The following PRKDC variants were observed in gnomAD, a reference collection of about 807,000 sequenced individuals.
The protein encoded by PRKDC is protein kinase, DNA-activated, catalytic subunit.
Under a neutral mutation model 486.9 loss-of-function variants are expected in PRKDC, and 82 were observed. The observed-to-expected ratio is 0.17, with a 90% confidence interval of 0.14 to 0.20. The LOEUF is 0.20. Among genes scored for constraint, PRKDC ranks in the 10% least tolerant of loss-of-function variants. PRKDC has a pLI of 1.00. For synonymous variants in PRKDC, 1,895 were observed against 1,837.0 expected (o/e 1.03, Z -0.81); for missense variants, 4,504 against 5,038.2 (o/e 0.89, Z 3.21).
intron 5 of PRKDC, 148 bp from the exon 6 acceptor site, chr8:47,954,067 A>C (rs2090666053): frequency 5.7e-6 from 3 of 523,336 alleles, no homozygotes; most frequent in Non-Finnish European, 9.9e-6. Flanking sequence ...TTAGGACTGC[A>C]TTCTTTCCTA....
chr8:47,893,175 T>C lies in PRKDC; in HGVS notation c.3811A>G (p.Ile1271Val). 2 of 1,612,552 alleles carry C rather than the reference T, an allele frequency of 1.2e-6. No individual in the cohort carries two copies. The highest frequency in any genetic ancestry group is 1.7e-6 in the Non-Finnish European group (2 of 1,178,950). ...AGCGCTCCTACAGTTCTCTCGCCAA[T>C]GAACGTGTTGTAGCACTCCAACGCG... ...LAALECYNTF[I>V]GERTVGALQV... is the part of the protein sequence containing the mutation. Residue 1271 changes from isoleucine (I) to valine (V), a missense_variant, in exon 31 of 86, where the codon ATT becomes GTT. By Grantham distance (29) the Ile-to-Val change is conservative. Coordinates refer to ENST00000314191, the MANE Select transcript of PRKDC (RefSeq NM_006904.7).
chr8:47,821,888 C>G (rs1321735246), intron 64 of PRKDC, 96 bp from the exon 65 acceptor site: 2 of 1,101,384 alleles, frequency 1.8e-6, no homozygotes, highest in Non-Finnish European at 2.5e-6. Context: ...ACACTAAAAA[C>G]AATCCTTTTC....
intron 40 of PRKDC, among the ~76,000 whole-genome samples, chr8:47,865,984 C>T (rs1181373352): frequency 5.3e-5 from 8 of 151,870 alleles, no homozygotes; most frequent in East Asian, 1.9e-4. Context: ...GGCGAAACCC[C>T]GTCTCTACTA....
In PRKDC at chr8:47,857,319, T is replaced by C. The variant is rs764316285; in HGVS notation, c.6466-20A>G. On this transcript the variant is annotated intron_variant, in intron 48 of 85. Coordinates refer to ENST00000314191, the MANE Select transcript of PRKDC (RefSeq NM_006904.7). ...AAAGACCTACAAGAGGATGTAAAAG[T>C]CAAACATCAAAGAATGGTCTTAAAT... 1.6e-5 allele frequency: 26 copies of C among 1,592,262 alleles called. No individual in the cohort carries two copies. In the East Asian group the frequency reaches 2.5e-4, roughly 15 times the overall value.
chr8:47,790,397 G>T (rs1222417882), intron 74 of PRKDC, among the ~76,000 whole-genome samples: 1 of 152,150 alleles, frequency 6.6e-6, no homozygotes, highest in Non-Finnish European at 1.5e-5. Flanking sequence ...ATGGATGAAA[G>T]AAATTGAAGA....
chr8:47,809,119 G>A, intron 68 of PRKDC, among the ~76,000 whole-genome samples: 1 of 142,606 alleles, frequency 7.0e-6, no homozygotes. Flanking sequence ...GGAGTAGAGG[G>A]GAAGGGAGGG....
In PRKDC at chr8:47,864,623, G is replaced by A. The variant is rs1259971538; in HGVS notation, c.5504C>T (p.Ala1835Val). 6.2e-7 allele frequency: 1 copy of A among 1,609,870 alleles called. No homozygotes were observed. Among genetic ancestry groups the A allele is most frequent in the African/African-American group, 1.3e-5 (1 of 74,986 alleles). Residue 1835 changes from alanine to valine, a missense_variant, in exon 41 of 86, where the codon GCT becomes GTT. By Grantham distance (64) the Ala-to-Val change is moderately conservative (BLOSUM62 0). Around this residue, in one of 6 missense-constraint regions of PRKDC, gnomAD observed 1,969 missense variants for 2,068.9 expected, o/e 0.95. Transcript: ENST00000314191. ...LTLLWHCSLD[A>V]LREFFSTIVV... ...AATTGTGCTGAAGAATTCTCTCAAAGCATCCAGGCTACAGTGCCACAGCAG... is the reference window on the plus strand; with the variant it reads ...AATTGTGCTGAAGAATTCTCTCAAAACATCCAGGCTACAGTGCCACAGCAG...
intron 21 of PRKDC, among the ~76,000 whole-genome samples, chr8:47,920,975 G>A (rs963341241): frequency 6.6e-6 from 1 of 152,056 alleles, no homozygotes; most frequent in Non-Finnish European, 1.5e-5. Context: ...AAATGTGGCT[G>A]GGCACGGGTG....
chr8:47,850,654 T>C (rs892374998), intron 52 of PRKDC, among the ~76,000 whole-genome samples: 1 of 152,184 alleles, frequency 6.6e-6, no homozygotes, highest in Non-Finnish European at 1.5e-5. Context: ...TTATTAAAAG[T>C]ATTTAATACG....
intron 69 of PRKDC, among the ~76,000 whole-genome samples, chr8:47,806,466 A>G (rs748359006): frequency 6.6e-6 from 1 of 152,246 alleles, no homozygotes; most frequent in Admixed American, 6.5e-5. Context: ...CATCCAAAGA[A>G]AAATCTATAA....
intron 21 of PRKDC, among the ~76,000 whole-genome samples, chr8:47,924,435 C>T (rs1020060443): frequency 2.0e-5 from 3 of 152,224 alleles, no homozygotes; most frequent in Admixed American, 1.3e-4. Flanking sequence ...TGGTGCATGC[C>T]TGTAGTCTCA....
Position 47,939,555 on chromosome 8 carries a change from G to A in PRKDC, c.1109C>T (p.Ala370Val), listed in dbSNP as rs1433913673. ...SIAIRGYGLF[A>V]GPCKVINAKD... ...GAGTAAGTTAATGAGACATACTCCTGCAAAAAGTCCATATCCACGGATAGC... is the reference window on the plus strand; with the variant it reads ...GAGTAAGTTAATGAGACATACTCCTACAAAAAGTCCATATCCACGGATAGC... The change falls in exon 11 of 86, where the codon GCA becomes GTA. Residue 370 changes from alanine to valine, a missense_variant. Ala to Val is a moderately conservative substitution (Grantham distance 64). Transcript: ENST00000314191. The A allele has an allele frequency of 1.2e-6, 2 of 1,611,600 alleles. No homozygotes were observed. The highest frequency in any genetic ancestry group is 2.2e-5 in the South Asian group (2 of 90,216).
intron 76 of PRKDC, among the ~76,000 whole-genome samples, chr8:47,787,025 C>T (rs769724663): frequency 6.6e-6 from 1 of 152,100 alleles, no homozygotes; most frequent in South Asian, 2.1e-4. Context: ...CCATGCCCAG[C>T]AGATATGTTT....
At chr8:47,870,632 A>C (rs939834617) in intron 40 of PRKDC, among the ~76,000 whole-genome samples, 3 of 152,224 alleles carry the variant, frequency 2.0e-5, no homozygotes, top group Admixed American at 6.5e-5. Context: ...CAAGCCCAGA[A>C]GACTACAATA....
In PRKDC at chr8:47,773,250, C is replaced by CT; in HGVS notation, c.*922dup. 1 of 226,418 alleles carries CT rather than the reference C, an allele frequency of 4.4e-6. No homozygotes were observed. The highest frequency in any genetic ancestry group is 8.9e-6 in the Non-Finnish European group (1 of 112,856). 14.0% of individuals were successfully genotyped at this position (226,418 alleles called of 1,614,324 possible). A position where few individuals can be genotyped will look rare whatever the true frequency, so the allele number is the denominator to read the frequency against. The stretch of plus-strand genomic sequence containing the variant: ...TCAGAAACAGTTTGGGTGTGGAGGA[C>CT]TGGCGGGGGGGGACAGGGACTGCAC... On this transcript the variant is annotated 3_prime_UTR_variant, in exon 86 of 86. Transcript: ENST00000314191.
chr8:47,834,363 C>T lies in PRKDC; in HGVS notation c.7985G>A (p.Ser2662Asn). Residue 2662 changes from serine (S) to asparagine (N), a missense_variant, in exon 59 of 86, where the codon AGC becomes AAC. Physicochemically the swap from Ser to Asn is conservative, Grantham distance 46 (BLOSUM62 1). Coordinates refer to ENST00000314191, the MANE Select transcript of PRKDC (RefSeq NM_006904.7). Reference sequence around the variant, plus strand: ...GTGGTCGACCAGCGGGTCAGTGCTGCTCCCGGTCAGCCAATCAAATGAGCT... The same window carrying T: ...GTGGTCGACCAGCGGGTCAGTGCTGTTCCCGGTCAGCCAATCAAATGAGCT... ...GRSSFDWLTG[S>N]STDPLVDHTS... is the part of the protein sequence containing the mutation. The T allele has an allele frequency of 6.2e-7, 1 of 1,613,848 alleles. No individual in the cohort carries two copies. Among genetic ancestry groups the T allele is most frequent in the Non-Finnish European group, 8.5e-7 (1 of 1,179,888 alleles).
At chr8:47,956,647 G>T (rs2090706756) in intron 3 of PRKDC, among the ~76,000 whole-genome samples, 1 of 151,868 alleles carries the variant, frequency 6.6e-6, no homozygotes, top group Non-Finnish European at 1.5e-5. Context: ...AGGCTGCAGT[G>T]AGCCATGATT....
chr8:47,828,275 T>C lies in PRKDC; in HGVS notation c.8470A>G (p.Lys2824Glu). ...SGILKEMDKF[K>E]TLSEKNNITQ... ...ATGTTGTTTTTTTCAGACAGTGTCT[T>C]AAATTTATCCATCTCTTTCAAAATT... Residue 2824 changes from lysine (K) to glutamate (E), a missense_variant, in exon 62 of 86, where the codon AAG (lysine) becomes GAG (glutamate). Around this residue, in one of 6 missense-constraint regions of PRKDC, gnomAD observed 1,592 missense variants for 1,724.6 expected, o/e 0.92. Transcript: ENST00000314191. 1 of 1,611,564 alleles carries C rather than the reference T, an allele frequency of 6.2e-7. No homozygotes were observed.
intron 64 of PRKDC, among the ~76,000 whole-genome samples, chr8:47,822,921 T>G (rs1188423970): frequency 4.6e-5 from 7 of 152,210 alleles, no homozygotes; most frequent in Admixed American, 3.3e-4. Context: ...TCTTCCCAAA[T>G]TCTTCTTTAC....
Sources: gnomAD v4.1 joint callset for allele counts (sites outside exome capture counted in the v4.1 genomes callset) on GRCh38, gnomAD v4.1.1 for gene constraint, gnomAD v4.1.1 regional missense constraint, MANE v1.5 for transcripts, NCBI Gene and HGNC (gene_info 2026-07-23, HGNC 2026-07-21) for gene names.